The following PTPRD variants were observed in gnomAD, a reference collection of about 807,000 sequenced individuals.
PTPRD encodes the protein protein tyrosine phosphatase receptor type D.
A neutral mutation model predicts 214.5 loss-of-function variants in PTPRD; 34 were observed. That is an observed-to-expected ratio of 0.16 (90% CI 0.12 to 0.21). The LOEUF (loss-of-function observed/expected upper bound fraction) is 0.21. Among genes scored for constraint, PTPRD ranks in the 10% least tolerant of loss-of-function variants. The pLI, the probability that PTPRD is intolerant of heterozygous loss-of-function variation, is 1.00. For missense variants in PTPRD, 2,545 were observed against 2,398.7 expected (o/e 1.06, Z -1.27); for synonymous variants, 1,128 against 845.7 (o/e 1.33, Z -5.79).
intron 2 of PTPRD, among the ~76,000 whole-genome samples, chr9:10,511,949 TGTGTGTATATATATATAC>T (rs1490483308): frequency 2.9e-4 from 19 of 66,036 alleles, no homozygotes; most frequent in Non-Finnish European, 4.8e-4. Flanking sequence ...TATATATACG[TGTGTGTATATATATATAC>T]GTGTGTGTGT....
intron 2 of PTPRD, among the ~76,000 whole-genome samples, chr9:10,606,678 C>G (rs902147649): frequency 6.6e-6 from 1 of 151,636 alleles, no homozygotes; most frequent in Admixed American, 6.6e-5. Context: ...TTTAACCAGA[C>G]AAGGGAATGG....
intron 2 of PTPRD, among the ~76,000 whole-genome samples, chr9:10,587,898 AG>A (rs1567082877): frequency 6.6e-6 from 1 of 152,032 alleles, no homozygotes; most frequent in Non-Finnish European, 1.5e-5. Flanking sequence ...AATAGGACAT[AG>A]GCCCCAAAAT....
chr9:10,289,446 C>A (rs1005535056), intron 3 of PTPRD, among the ~76,000 whole-genome samples: 24 of 152,074 alleles, frequency 1.6e-4, no homozygotes, highest in African/African-American at 5.8e-4. Context: ...TGCCTAACAT[C>A]AAAGACAATA....
At chr9:10,177,233 T>A (rs1392868058) in intron 3 of PTPRD, among the ~76,000 whole-genome samples, 2 of 151,500 alleles carry the variant, frequency 1.3e-5, no homozygotes, top group Non-Finnish European at 3.0e-5. Flanking sequence ...CCAGGAAAGG[T>A]GAGTAAGGAG....
At chr9:8,703,188 A>T (rs2098127885) in intron 12 of PTPRD, among the ~76,000 whole-genome samples, 3 of 152,230 alleles carry the variant, frequency 2.0e-5, no homozygotes. Context: ...AATATGCAGG[A>T]TGGTAATAGA....
intron 7 of PTPRD, among the ~76,000 whole-genome samples, chr9:9,705,579 T>C (rs899194008): frequency 5.3e-5 from 8 of 152,112 alleles, no homozygotes; most frequent in African/African-American, 9.6e-5. Context: ...CTTAGAAGCA[T>C]ATAATAAAGA....
At chr9:9,782,996 G>A (rs1038140199) in intron 5 of PTPRD, among the ~76,000 whole-genome samples, 3 of 152,078 alleles carry the variant, frequency 2.0e-5, no homozygotes, top group Non-Finnish European at 2.9e-5. Flanking sequence ...CTAAATACAT[G>A]AAAGTAACCA....
intron 2 of PTPRD, among the ~76,000 whole-genome samples, chr9:10,410,940 G>A (rs1212473054): frequency 1.3e-5 from 2 of 151,654 alleles, no homozygotes; most frequent in African/African-American, 4.8e-5. Flanking sequence ...AGCTTTTCCA[G>A]GCATCAGTTC....
chr9:9,121,223 TTGTAA>T (rs1278001065), intron 10 of PTPRD, among the ~76,000 whole-genome samples: 2 of 152,224 alleles, frequency 1.3e-5, no homozygotes, highest in African/African-American at 4.8e-5. Flanking sequence ...ATCTCCATTC[TTGTAA>T]TGTAAACTAA....
chr9:8,709,343 T>C (rs951205851), intron 12 of PTPRD, among the ~76,000 whole-genome samples: 1 of 151,452 alleles, frequency 6.6e-6, no homozygotes, highest in East Asian at 1.9e-4. Flanking sequence ...TGAAACCCTG[T>C]CTCTACTAAA....
At chr9:10,434,479 A>G (rs1229177806) in intron 2 of PTPRD, among the ~76,000 whole-genome samples, 2 of 151,926 alleles carry the variant, frequency 1.3e-5, no homozygotes, top group Non-Finnish European at 2.9e-5. Context: ...TCTTATATTT[A>G]TTCTAGCAAC....
intron 3 of PTPRD, among the ~76,000 whole-genome samples, chr9:10,152,057 G>T (rs1254626493): frequency 6.6e-6 from 1 of 152,136 alleles, no homozygotes; most frequent in Non-Finnish European, 1.5e-5. Context: ...AAATACCTAG[G>T]GTTGGGATTA....
In PTPRD at chr9:10,462,626, G is replaced by A. The variant is rs75468319; in HGVS notation, c.-599-121609C>T. ...TTTTGTCTGGATAAGAGTAAGAGAT[G>A]TGCCTATTTCCACCAGTCCCCCTTT... On this transcript the variant is annotated intron_variant, in intron 2 of 45. Coordinates refer to ENST00000381196, the MANE Select transcript of PTPRD (RefSeq NM_002839.4). 8.2e-3 allele frequency among the ~76,000 whole-genome samples: 1,245 copies of A among 152,092 alleles called. 55 individuals are homozygous for A. The East Asian group carries it at 0.091, about 11-fold the overall frequency.
At chr9:8,669,790 G>C (rs192292139) in intron 12 of PTPRD, among the ~76,000 whole-genome samples, 3 of 152,300 alleles carry the variant, frequency 2.0e-5, no homozygotes, top group Admixed American at 2.0e-4. Context: ...AGAAGTCATA[G>C]AGGTTATGAA....
intron 44 of PTPRD, 128 bp from the exon 45 acceptor site, chr9:8,320,094 C>T (rs1825846623): frequency 1.8e-6 from 2 of 1,106,612 alleles, no homozygotes; most frequent in South Asian, 1.8e-5. Context: ...TTCAGGAAAA[C>T]ATGGTATCAC....
At position 8,636,809 on chromosome 9, in the gene PTPRD, T is replaced by C. The variant is rs2154328329; in HGVS notation, c.100A>G (p.Thr34Ala). The C allele has an allele frequency of 6.2e-7, 1 of 1,614,086 alleles. No individual in the cohort carries two copies. Among genetic ancestry groups the C allele is most frequent in the Non-Finnish European group, 8.5e-7 (1 of 1,179,952 alleles). ...GAGGCAACTCCGCCAGAGACCCCTG[T>C]CTGATCAACGGGTGTTCGTGTAAAC... ...PRFTRTPVDQ[T>A]GVSGGVASFI... is the part of the protein sequence containing the mutation. Residue 34 changes from threonine (T) to alanine (A), a missense_variant, in exon 13 of 46, where the codon ACA (threonine) becomes GCA (alanine). Physicochemically the swap from Thr to Ala is moderately conservative, Grantham distance 58. Coordinates refer to ENST00000381196, the MANE Select transcript of PTPRD (RefSeq NM_002839.4).
intron 8 of PTPRD, among the ~76,000 whole-genome samples, chr9:9,406,669 G>A (rs539568716): frequency 1.3e-5 from 2 of 151,916 alleles, no homozygotes; most frequent in South Asian, 4.1e-4. Flanking sequence ...GTTTTTGAGA[G>A]CAGGGAGCAG....
intron 9 of PTPRD, among the ~76,000 whole-genome samples, chr9:9,232,276 T>C (rs1002810147): frequency 6.6e-6 from 1 of 152,140 alleles, no homozygotes; most frequent in African/African-American, 2.4e-5. Flanking sequence ...AAATCAACAA[T>C]TGTCCCTGCA....
At chr9:10,271,980 T>C (rs1482361593) in intron 3 of PTPRD, among the ~76,000 whole-genome samples, 3 of 152,204 alleles carry the variant, frequency 2.0e-5, no homozygotes, top group South Asian at 2.1e-4. Flanking sequence ...TTTTGTACCA[T>C]ATCATTCATC....
Sources: allele counts gnomAD v4.1 joint callset (sites outside exome capture counted in the v4.1 genomes callset), GRCh38; gene constraint gnomAD v4.1.1; transcripts MANE v1.5; gene names NCBI Gene and HGNC (gene_info 2026-07-23, HGNC 2026-07-21).